Variants in EYA2 observed in about 807,000 individuals in gnomAD.
EYA2 encodes EYA transcriptional coactivator and phosphatase 2, also known as protein phosphatase EYA2.
A neutral mutation model predicts 69.2 loss-of-function variants in EYA2; 31 were observed. The observed-to-expected ratio is 0.45, with a 90% CI of 0.34 to 0.60. EYA2 has a LOEUF of 0.60. Ranked by LOEUF, EYA2 falls within the 20% of genes least tolerant of loss-of-function variation. EYA2 has a pLI of 0.02. For synonymous variants in EYA2, 257 were observed against 279.4 expected, an observed-to-expected ratio of 0.92 and a Z score of 0.80; for missense variants, 622 against 701.2, an observed-to-expected ratio of 0.89 and a Z score of 1.28.
intron 1 of EYA2, among the ~76,000 whole-genome samples, chr20:46,912,929 T>A (rs1984725115): frequency 6.6e-6 from 1 of 151,478 alleles, no homozygotes; most frequent in Non-Finnish European, 1.5e-5. Context: ...CTCGATCTCC[T>A]GACCTCATGA....
At chr20:47,152,588 A>G (rs2033844071) in intron 10 of EYA2, among the ~76,000 whole-genome samples, 1 of 151,686 alleles carries the variant, frequency 6.6e-6, no homozygotes, top group Non-Finnish European at 1.5e-5. Flanking sequence ...GAGGTGGCAG[A>G]TCACTTGAGG....
chr20:47,097,649 A>T (rs2032293068), intron 9 of EYA2, among the ~76,000 whole-genome samples: 1 of 152,234 alleles, frequency 6.6e-6, no homozygotes, highest in Admixed American at 6.5e-5. Context: ...CAAATGTATC[A>T]TCAACAAATT....
intron 5 of EYA2, among the ~76,000 whole-genome samples, chr20:47,035,847 A>G (rs549948630): frequency 2.6e-5 from 4 of 151,924 alleles, no homozygotes; most frequent in Admixed American, 2.6e-4. Flanking sequence ...GTCTCTGAAA[A>G]AAAAAAAGAA....
chr20:46,953,286 A>G (rs1007750375), intron 1 of EYA2, among the ~76,000 whole-genome samples: 9 of 152,080 alleles, frequency 5.9e-5, no homozygotes, highest in Non-Finnish European at 1.2e-4. Context: ...AGGGCTTGAG[A>G]ACTCCGCGGG....
intron 1 of EYA2, among the ~76,000 whole-genome samples, chr20:46,984,417 G>A (rs1332404885): frequency 6.6e-6 from 1 of 151,712 alleles, no homozygotes; most frequent in Non-Finnish European, 1.5e-5. Flanking sequence ...AGAAAAATGG[G>A]CAAGCATAAA....
At chr20:46,968,963 T>C (rs1979961069) in intron 1 of EYA2, among the ~76,000 whole-genome samples, 1 of 152,204 alleles carries the variant, frequency 6.6e-6, no homozygotes, top group South Asian at 2.1e-4. Context: ...TCAACCAGTG[T>C]ATGGAAAGCA....
intron 7 of EYA2, among the ~76,000 whole-genome samples, chr20:47,079,812 A>AGGCAGAATT (rs2031649491): frequency 6.6e-6 from 1 of 151,918 alleles, no homozygotes; most frequent in Non-Finnish European, 1.5e-5. Context: ...AAAAAGCAGG[A>AGGCAGAATT]GGCAGAATTA....
chr20:47,057,193 C>T (rs556020901), intron 5 of EYA2, among the ~76,000 whole-genome samples: 6 of 142,520 alleles, frequency 4.2e-5, no homozygotes, highest in South Asian at 4.5e-4. Context: ...AATCTCAGCA[C>T]GTACTAGGCA....
intron 1 of EYA2, among the ~76,000 whole-genome samples, chr20:46,989,422 C>T (rs1981504178): frequency 6.6e-6 from 1 of 152,170 alleles, no homozygotes; most frequent in Non-Finnish European, 1.5e-5. Context: ...TACGCCACCA[C>T]GCCCAGCTAA....
intron 1 of EYA2, among the ~76,000 whole-genome samples, chr20:46,932,967 T>C (rs1206653389): frequency 6.6e-6 from 1 of 152,124 alleles, no homozygotes; most frequent in Non-Finnish European, 1.5e-5. Context: ...GTAAGATGTG[T>C]CTTGCTTCCC....
At chr20:46,966,135 T>C (rs1048640908) in intron 1 of EYA2, among the ~76,000 whole-genome samples, 2 of 152,206 alleles carry the variant, frequency 1.3e-5, no homozygotes, top group Admixed American at 1.3e-4. Context: ...CAGTCTTTTT[T>C]TCTTTTTCTT....
At chr20:47,061,509 G>A (rs1385678682) in intron 5 of EYA2, among the ~76,000 whole-genome samples, 3 of 151,854 alleles carry the variant, frequency 2.0e-5, no homozygotes, top group Non-Finnish European at 4.4e-5. Context: ...CAGCCTTGGC[G>A]ACAGAGGGAG....
chr20:46,953,213 T>C (rs1030476274), intron 1 of EYA2, among the ~76,000 whole-genome samples: 3 of 152,226 alleles, frequency 2.0e-5, no homozygotes, highest in Non-Finnish European at 4.4e-5. Context: ...TTCATCTTCA[T>C]GACTACCCTC....
At chr20:47,132,080 CTAGGACTG>C (rs1204207380) in intron 9 of EYA2, among the ~76,000 whole-genome samples, 2 of 152,162 alleles carry the variant, frequency 1.3e-5, no homozygotes, top group Non-Finnish European at 1.5e-5. Flanking sequence ...AATCCTCCTG[CTAGGACTG>C]TAGGCACACA....
intron 5 of EYA2, among the ~76,000 whole-genome samples, chr20:47,059,823 G>T (rs1031847322): frequency 6.6e-6 from 1 of 152,194 alleles, no homozygotes; most frequent in Non-Finnish European, 1.5e-5. Context: ...CAGGACCCAG[G>T]CCACTGTCTT....
intron 12 of EYA2, among the ~76,000 whole-genome samples, chr20:47,174,700 C>T (rs1041937052): frequency 5.3e-5 from 8 of 152,254 alleles, no homozygotes; most frequent in Non-Finnish European, 1.0e-4. Flanking sequence ...CTAGCTCCTT[C>T]ACTCTTCACA....
At chr20:47,030,096 C>G (rs1984319557) in intron 5 of EYA2, among the ~76,000 whole-genome samples, 1 of 152,162 alleles carries the variant, frequency 6.6e-6, no homozygotes, top group South Asian at 2.1e-4. Flanking sequence ...TTTACAAAAG[C>G]AGGTGGTGGG....
chr20:47,017,675 C>T (rs2146372885), intron 5 of EYA2, among the ~76,000 whole-genome samples: 1 of 152,182 alleles, frequency 6.6e-6, no homozygotes, highest in East Asian at 1.9e-4. Flanking sequence ...GTCAGTGATG[C>T]CATGAGCCAG....
In EYA2 at chr20:47,074,201, AGTATTAC is replaced by A; in HGVS notation, c.529_535del (p.Tyr177AlafsTer101). ...GGCTTCCCCCAGAGCCAGTACCCCC[AGTATTAC>A]GGCTCATCCTACAACCCTCCCTACG... On this transcript the variant is annotated frameshift_variant, in exon 7 of 16. Coordinates refer to ENST00000327619, the MANE Select transcript of EYA2 (RefSeq NM_005244.5). LOFTEE classifies it high-confidence loss of function. 1 of 1,613,728 alleles carries A rather than the reference AGTATTAC, an allele frequency of 6.2e-7. No individual in the cohort carries two copies. Among genetic ancestry groups the A allele is most frequent in the East Asian group, 2.2e-5 (1 of 44,848 alleles).
Sources: gnomAD v4.1 joint callset for allele counts (sites outside exome capture counted in the v4.1 genomes callset) on GRCh38, gnomAD v4.1.1 for gene constraint, MANE v1.5 for transcripts, NCBI Gene and HGNC (gene_info 2026-07-23, HGNC 2026-07-21) for gene names.